SLC22A25: variants seen among roughly 807,000 people sequenced by gnomAD.
SLC22A25 encodes the protein MGI:2442751, MGI:2385316, MGI:3042283, MGI:3645714, MGI:3605624, MGI:2442750.
SLC22A25 carries 44 observed loss-of-function variants against 45.9 expected under a neutral mutation model. The ratio of observed to expected loss-of-function variants is 0.96; its 90% CI spans 0.75 to 1.23. The LOEUF (loss-of-function observed/expected upper bound fraction) is 1.23, where lower values mean the gene tolerates loss of function less well. Among genes scored for constraint, SLC22A25 ranks in the 50% most tolerant of loss-of-function variants. SLC22A25 has a pLI of 0.00. For synonymous variants in SLC22A25, 283 were observed against 238.6 expected, an observed-to-expected ratio of 1.19 and a Z score of -1.72; for missense variants, 800 against 666.4, an observed-to-expected ratio of 1.20 and a Z score of -2.21.
chr11:63,185,906 G>C (rs562675480), intron 7 of SLC22A25, among the ~76,000 whole-genome samples: 117 of 150,616 alleles, frequency 7.8e-4, no homozygotes, highest in African/African-American at 2.7e-3. Context: ...GTATTCCATG[G>C]TGTATATGTG....
Position 63,162,128 on chromosome 11 carries a change from A to G in SLC22A25, c.*1696T>C, listed in dbSNP as rs1458486109. On this transcript the variant is annotated 3_prime_UTR_variant, in exon 12 of 12. Transcript: ENST00000306494. Reference sequence around the variant, plus strand: ...TTGATGAGATTATTTGATTTTTCCTATAGAGTTGTTTGAGCTCCTTATATA... The same window carrying G: ...TTGATGAGATTATTTGATTTTTCCTGTAGAGTTGTTTGAGCTCCTTATATA... Among the ~76,000 whole-genome samples, 1 of 152,080 alleles carries G rather than the reference A, an allele frequency of 6.6e-6. No individual in the cohort carries two copies. The highest frequency in any genetic ancestry group is 1.5e-5 in the Non-Finnish European group (1 of 68,014).
chr11:63,216,845 A>AT (rs78072099), intron 7 of SLC22A25, among the ~76,000 whole-genome samples: 1 of 152,026 alleles, frequency 6.6e-6, no homozygotes, highest in Non-Finnish European at 1.5e-5. Flanking sequence ...TTATAAAAAA[A>AT]GTGGTATGGA....
rs182877726 is a variant in SLC22A25, at chr11:63,207,226, A to G, written c.830+10088T>C. Reference sequence around the variant, plus strand: ...AGGCATGGACAAAGATTTTATGACTAAAACACAAAAAGCAATGGCAACAAA... The same window carrying G: ...AGGCATGGACAAAGATTTTATGACTGAAACACAAAAAGCAATGGCAACAAA... On this transcript the variant is annotated intron_variant, in intron 7 of 11. Transcript: ENST00000306494. Among the ~76,000 whole-genome samples, 49 of 152,340 alleles carry G rather than the reference A, an allele frequency of 3.2e-4. No individual in the cohort carries two copies. The East Asian group carries it at 7.9e-3, about 25-fold the overall frequency.
rs2090033204 is a variant in SLC22A25 at position 63,229,640 on chromosome 11, C to T, written c.13G>A (p.Asp5Asn). 6.2e-7 allele frequency: 1 copy of T among 1,601,360 alleles called. No individual in the cohort carries two copies. Among genetic ancestry groups the T allele is most frequent in the East Asian group, 2.2e-5 (1 of 44,456 alleles). The change falls in exon 4 of 12, where the codon GAC becomes AAC. Residue 5 changes from aspartate (D) to asparagine (N), a missense_variant. Physicochemically the swap from Asp to Asn is conservative, Grantham distance 23 (BLOSUM62 1). Transcript: ENST00000306494. MAFQDLLDQVGGLGR... is the reference protein window; with the variant it reads MAFQNLLDQVGGLGR... The stretch of plus-strand genomic sequence containing the variant: ...AGGCCTCCAACTTGATCTAGGAGGT[C>T]CTGAAAGGCCATTGAGGCTGGACAA...
intron 7 of SLC22A25, among the ~76,000 whole-genome samples, chr11:63,194,527 C>T (rs1451936085): frequency 2.6e-5 from 4 of 152,020 alleles, no homozygotes; most frequent in Non-Finnish European, 5.9e-5. Flanking sequence ...GAGATTTTGT[C>T]ACCATCAGGC....
chr11:63,235,321 T>A (rs2090145048), intron 3 of SLC22A25, among the ~76,000 whole-genome samples: 1 of 152,250 alleles, frequency 6.6e-6, no homozygotes, highest in South Asian at 2.1e-4. Flanking sequence ...AGTCCCATAT[T>A]TCTTGGAGGC....
rs563199431 is a variant in SLC22A25, at chr11:63,158,992, C to G, written c.*4832G>C. On this transcript the variant is annotated 3_prime_UTR_variant, in exon 12 of 12. Transcript: ENST00000306494. ...TTTATTTTTATCTCACACAAATAAG[C>G]AAGAACATGTGATGTTTGTCTTTCT... Among the ~76,000 whole-genome samples, 19 of 152,240 alleles carry G rather than the reference C, an allele frequency of 1.2e-4. No homozygotes were observed. The highest frequency in any genetic ancestry group is 4.3e-4 in the African/African-American group (18 of 41,532).
chr11:63,194,987 G>T, intron 7 of SLC22A25, among the ~76,000 whole-genome samples: 1 of 140,970 alleles, frequency 7.1e-6, no homozygotes, highest in African/African-American at 2.7e-5. Flanking sequence ...AACCAACAGT[G>T]ATCAAAAGAG....
intron 7 of SLC22A25, among the ~76,000 whole-genome samples, chr11:63,190,749 T>C (rs1476999491): frequency 6.6e-6 from 1 of 151,330 alleles, no homozygotes; most frequent in Non-Finnish European, 1.5e-5. Flanking sequence ...TTCTGTTTGT[T>C]AGTTTTCCTT....
chr11:63,196,373 C>T (rs981794418), intron 7 of SLC22A25, among the ~76,000 whole-genome samples: 16 of 152,110 alleles, frequency 1.1e-4, no homozygotes, highest in South Asian at 4.1e-4. Context: ...ACTGGCAAAC[C>T]GAATCCAGCA....
At chr11:63,172,518 C>CA (rs1169547109) in intron 9 of SLC22A25, among the ~76,000 whole-genome samples, 2 of 151,998 alleles carry the variant, frequency 1.3e-5, no homozygotes, top group African/African-American at 2.4e-5. Context: ...TTTATGTGGC[C>CA]AACAAACATA....
chr11:63,206,482 T>C (rs548817495), intron 7 of SLC22A25, among the ~76,000 whole-genome samples: 35 of 152,310 alleles, frequency 2.3e-4, no homozygotes, highest in South Asian at 8.3e-4. Context: ...AGCATTCCTA[T>C]ACACAAATAA....
intron 7 of SLC22A25, among the ~76,000 whole-genome samples, chr11:63,184,394 TTCTC>T (rs2088443069): frequency 6.6e-6 from 1 of 152,140 alleles, no homozygotes; most frequent in Admixed American, 6.6e-5. Flanking sequence ...GGAGTACACT[TTCTC>T]TCTATCTGAA....
At chr11:63,180,508 T>C in intron 9 of SLC22A25, 152 bp downstream of exon 9, 2 of 578,222 alleles carry the variant, frequency 3.5e-6, no homozygotes, top group South Asian at 2.5e-5. Context: ...TTCATAACCC[T>C]TTTACCACTT....
intron 3 of SLC22A25, among the ~76,000 whole-genome samples, chr11:63,236,631 G>T (rs1403505796): frequency 6.6e-6 from 1 of 152,082 alleles, no homozygotes; most frequent in African/African-American, 2.4e-5. Flanking sequence ...CTCATGCACG[G>T]TGTGCTGCAC....
chr11:63,229,284 G>C lies in SLC22A25; in HGVS notation c.369C>G (p.Asp123Glu). The C allele has an allele frequency of 6.4e-7, 1 of 1,574,288 alleles. No homozygotes were observed. Among genetic ancestry groups the C allele is most frequent in the Non-Finnish European group, 8.6e-7 (1 of 1,158,366 alleles). The change falls in exon 4 of 12, where the codon GAC becomes GAG. Residue 123 changes from aspartate (D) to glutamate (E), a missense_variant. Asp to Glu is a conservative substitution (Grantham distance 45). Coordinates refer to ENST00000306494, the MANE Select transcript of SLC22A25 (RefSeq NM_199352.6). ...TEPCVDGWVY[D>E]QSSFPSTIVT... is the part of the protein sequence containing the mutation. ...CAATGGTGGAAGGGAAGGAGCTTTG[G>C]TCATATACCCAGCCATCCACACAGG... is the stretch of plus-strand genomic sequence containing the variant.
intron 1 of SLC22A25, among the ~76,000 whole-genome samples, chr11:63,241,933 A>T (rs1011843112): frequency 1.3e-5 from 2 of 152,208 alleles, no homozygotes; most frequent in South Asian, 2.1e-4. Context: ...ATGGTTAAGG[A>T]TATTACATTC....
In SLC22A25 at chr11:63,160,702, G is replaced by C. The variant is rs2087526236; in HGVS notation, c.*3122C>G. Among the ~76,000 whole-genome samples, 1 of 152,164 alleles carries C rather than the reference G, an allele frequency of 6.6e-6. No individual in the cohort carries two copies. The highest frequency in any genetic ancestry group is 1.5e-5 in the Non-Finnish European group (1 of 68,034). On this transcript the variant is annotated 3_prime_UTR_variant, in exon 12 of 12. Coordinates refer to ENST00000306494, the MANE Select transcript of SLC22A25 (RefSeq NM_199352.6). ...GCACTGCACACCTGGAAAAGCTGCAGACACTCAATGCCAGGTCACAAAAGC... is the reference window on the plus strand; with the variant it reads ...GCACTGCACACCTGGAAAAGCTGCACACACTCAATGCCAGGTCACAAAAGC...
chr11:63,211,514 G>T (rs865835849), intron 7 of SLC22A25, among the ~76,000 whole-genome samples: 3 of 152,192 alleles, frequency 2.0e-5, no homozygotes, highest in African/African-American at 7.2e-5. Flanking sequence ...GCCTATATTT[G>T]CCTGCCAGTG....
Sources: gnomAD v4.1 joint callset for allele counts (sites outside exome capture counted in the v4.1 genomes callset) on GRCh38, gnomAD v4.1.1 for gene constraint, MANE v1.5 for transcripts, NCBI Gene and HGNC (gene_info 2026-07-23, HGNC 2026-07-21) for gene names.